GNB1L: variants seen among roughly 807,000 people sequenced by gnomAD.
GNB1L encodes guanine nucleotide-binding protein subunit beta-like protein 1.
In GNB1L, 20 loss-of-function variants were observed where a neutral mutation model predicts 29.1. The ratio of observed to expected loss-of-function variants is 0.69; its 90% confidence interval spans 0.48 to 1.00. The LOEUF (loss-of-function observed/expected upper bound fraction) is 1.00, where lower values mean the gene tolerates loss of function less well. GNB1L is among the 50% of genes least tolerant of loss of function. The pLI, the probability that GNB1L is intolerant of heterozygous loss-of-function variation, is 0.00. For synonymous variants in GNB1L, 193 were observed against 206.5 expected (o/e 0.93, Z 0.56); for missense variants, 421 against 464.9 (o/e 0.91, Z 0.87).
chr22:19,841,071 G>A (rs115983739), intron 2 of GNB1L, among the ~76,000 whole-genome samples: 2,291 of 152,314 alleles, frequency 0.015, 50 homozygotes, highest in African/African-American at 0.051. Context: ...TTCTGGATGG[G>A]ATTCTGCAAC....
At chr22:19,852,333 G>C in intron 2 of GNB1L, 1 of 1,493,488 alleles carries the variant, frequency 6.7e-7, no homozygotes, top group Non-Finnish European at 9.1e-7. Context: ...GATGTGGCTT[G>C]CACGACACAA....
intron 2 of GNB1L, chr22:19,851,159 G>A: frequency 1.3e-6 from 2 of 1,583,130 alleles, no homozygotes; most frequent in East Asian, 2.3e-5. Flanking sequence ...TTCCCACCTG[G>A]GCTGTGTTCA....
intron 4 of GNB1L, among the ~76,000 whole-genome samples, chr22:19,815,245 C>T (rs990799215): frequency 1.3e-5 from 2 of 152,164 alleles, no homozygotes; most frequent in African/African-American, 2.4e-5. Context: ...TGTGCAGTTG[C>T]GGTTGTGGTG....
At position 19,806,767 on chromosome 22, in the gene GNB1L, A is replaced by C. The variant is rs1016526708; in HGVS notation, c.418-10T>G. The stretch of plus-strand genomic sequence containing the variant: ...TCTCCAGAATCTGAACCTGACAGTA[A>C]GAAAACAAGTTGATTTGGGCCGTCG... On this transcript the variant is annotated splice_polypyrimidine_tract_variant and intron_variant, in intron 5 of 7. Coordinates refer to ENST00000329517, the MANE Select transcript of GNB1L (RefSeq NM_053004.3). The C allele has an allele frequency of 1.3e-6, 2 of 1,598,886 alleles. No individual in the cohort carries two copies. Among genetic ancestry groups the C allele is most frequent in the African/African-American group, 2.7e-5 (2 of 74,658 alleles).
At chr22:19,815,457 G>A (rs1416891343) in intron 4 of GNB1L, among the ~76,000 whole-genome samples, 2 of 152,254 alleles carry the variant, frequency 1.3e-5, no homozygotes, top group African/African-American at 2.4e-5. Flanking sequence ...CGAGATGGGG[G>A]TGTCCTCAGC....
chr22:19,851,075 C>T, intron 2 of GNB1L: 1 of 1,469,340 alleles, frequency 6.8e-7, no homozygotes, highest in Non-Finnish European at 9.0e-7. Context: ...CATCTGGGGA[C>T]ACCACTCTGC....
chr22:19,851,119 C>A (rs771104547), intron 2 of GNB1L: 4 of 1,530,428 alleles, frequency 2.6e-6, no homozygotes, highest in Non-Finnish European at 3.5e-6. Flanking sequence ...TCAAGCCACA[C>A]AGGCCACTTC....
At chr22:19,829,513 G>A (rs961301489) in intron 2 of GNB1L, among the ~76,000 whole-genome samples, 4 of 151,924 alleles carry the variant, frequency 2.6e-5, no homozygotes, top group South Asian at 4.1e-4. Context: ...AAAATACTAC[G>A]TACCAATTTA....
chr22:19,812,530 G>T, intron 4 of GNB1L, 83 bp from the exon 5 acceptor site: 1 of 1,343,448 alleles, frequency 7.4e-7, no homozygotes, highest in Non-Finnish European at 1.0e-6. Context: ...AGGAAGGCAA[G>T]GCCATGTTTC....
Position 19,816,200 on chromosome 22 carries a change from CG to C in GNB1L, c.255-3754del, listed in dbSNP as rs2145878226. On this transcript the variant is annotated intron_variant, in intron 4 of 7. Coordinates refer to ENST00000329517, the MANE Select transcript of GNB1L (RefSeq NM_053004.3). The surrounding 1 kb of genome is among the most constrained non-coding windows in gnomAD (Gnocchi z 4.4). ...TTTGCACTCCTTCCTTCCCTGGGGA[CG>C]AGGCCCAGGCCCATATTCCTCAGAT... Among the ~76,000 whole-genome samples, 1 of 152,326 alleles carries C rather than the reference CG, an allele frequency of 6.6e-6. No individual in the cohort carries two copies. The highest frequency in any genetic ancestry group is 2.4e-5 in the African/African-American group (1 of 41,572).
chr22:19,803,417 C>T (rs896685883), intron 6 of GNB1L, among the ~76,000 whole-genome samples: 3 of 152,166 alleles, frequency 2.0e-5, no homozygotes, highest in Non-Finnish European at 4.4e-5. Flanking sequence ...GCCCCGCTGC[C>T]AGAGTCCACA....
chr22:19,816,867 G>C lies in GNB1L; in HGVS notation c.254+3731C>G, dbSNP rs1937528631. ...CCTCACCAACCTCCTGGCCTCCCAGGCTGCCGCTGCCACACCACCCCCCCA... is the reference window on the plus strand; with the variant it reads ...CCTCACCAACCTCCTGGCCTCCCAGCCTGCCGCTGCCACACCACCCCCCCA... On this transcript the variant is annotated intron_variant, in intron 4 of 7. Coordinates refer to ENST00000329517, the MANE Select transcript of GNB1L (RefSeq NM_053004.3). The surrounding 1 kb of genome is among the most constrained non-coding windows in gnomAD (Gnocchi z 4.4). 6.6e-6 allele frequency among the ~76,000 whole-genome samples: 1 copy of C among 152,138 alleles called. No homozygotes were observed. Among genetic ancestry groups the C allele is most frequent in the African/African-American group, 2.4e-5 (1 of 41,428 alleles).
chr22:19,854,473 G>A lies in GNB1L; in HGVS notation c.-51C>T, dbSNP rs1938188177. On this transcript the variant is annotated 5_prime_UTR_variant, in exon 2 of 8. Coordinates refer to ENST00000329517, the MANE Select transcript of GNB1L (RefSeq NM_053004.3). Reference sequence around the variant, plus strand: ...GCTACGCGAATCGCCCGCGAAGAGGGTCCTGGGATCCGTAGCCACAGACCG... The same window carrying A: ...GCTACGCGAATCGCCCGCGAAGAGGATCCTGGGATCCGTAGCCACAGACCG... 6.5e-6 allele frequency: 1 copy of A among 152,778 alleles called. No individual in the cohort carries two copies. The highest frequency in any genetic ancestry group is 6.5e-5 in the Admixed American group (1 of 15,312). 9.5% of individuals were successfully genotyped at this position (152,778 alleles called of 1,614,324 possible).
At chr22:19,810,579 C>G (rs1937488103) in intron 5 of GNB1L, among the ~76,000 whole-genome samples, 1 of 152,180 alleles carries the variant, frequency 6.6e-6, no homozygotes, top group Admixed American at 6.5e-5. Context: ...CTGCCCCTGC[C>G]TGCGCCTGTA....
chr22:19,799,896 T>C (rs752198733), intron 7 of GNB1L, among the ~76,000 whole-genome samples: 2 of 152,220 alleles, frequency 1.3e-5, no homozygotes, highest in Non-Finnish European at 2.9e-5. Flanking sequence ...AGATGTGACA[T>C]TGGGCAGAGG....
Position 19,783,271 on chromosome 22 carries a change from TG to T in GNB1L, c.*5437del. 1 of 501,900 alleles carries T rather than the reference TG, an allele frequency of 2.0e-6. No individual in the cohort carries two copies. Among genetic ancestry groups the T allele is most frequent in the Non-Finnish European group, 3.6e-6 (1 of 274,044 alleles). 31.1% of individuals were successfully genotyped at this position (501,900 alleles called of 1,614,324 possible). On this transcript the variant is annotated 3_prime_UTR_variant, in exon 8 of 8. Coordinates refer to ENST00000329517, the MANE Select transcript of GNB1L (RefSeq NM_053004.3). ...GTAGCAAGAGATAATGGCACCAGGA[TG>T]AGGCCAAATGACTCGATTTCTCTAC...
At chr22:19,835,384 A>AC (rs1937747426) in intron 2 of GNB1L, among the ~76,000 whole-genome samples, 2 of 149,910 alleles carry the variant, frequency 1.3e-5, no homozygotes, top group African/African-American at 2.5e-5. Context: ...AAAAAAAAAA[A>AC]AAAACAAACA....
chr22:19,848,308 C>T (rs1376288103), intron 2 of GNB1L: 1 of 985,330 alleles, frequency 1.0e-6, no homozygotes, highest in Non-Finnish European at 1.2e-6. Flanking sequence ...GTCCAGCAAA[C>T]CCTGCCAGGC....
intron 3 of GNB1L, 79 bp from the exon 4 acceptor site, chr22:19,820,802 T>A (rs188043218): frequency 1.3e-6 from 2 of 1,501,834 alleles, no homozygotes; most frequent in Non-Finnish European, 1.8e-6. Context: ...GGAGGCCACA[T>A]TGTGGGATGC....
Sources: gnomAD v4.1 joint callset for allele counts (sites outside exome capture counted in the v4.1 genomes callset) on GRCh38, gnomAD v4.1.1 for gene constraint, Gnocchi (gnomAD v3.1) non-coding constraint, MANE v1.5 for transcripts, NCBI Gene and HGNC (gene_info 2026-07-23, HGNC 2026-07-21) for gene names.